The following RBM19 variants were observed in gnomAD, a reference collection of about 807,000 sequenced individuals.
RBM19 encodes the protein RNA binding motif protein 19.
In RBM19, 94 loss-of-function variants were observed where a neutral mutation model predicts 116.8. The ratio of observed to expected loss-of-function variants is 0.80; its 90% confidence interval spans 0.68 to 0.95. The LOEUF (loss-of-function observed/expected upper bound fraction) is 0.95. RBM19 is among the 40% of genes least tolerant of loss of function. RBM19 has a pLI of 0.00. For missense variants in RBM19, 1,161 were observed against 1,220.7 expected, an observed-to-expected ratio of 0.95 and a Z score of 0.73; for synonymous variants, 475 against 494.1, an observed-to-expected ratio of 0.96 and a Z score of 0.51.
rs374143921 is a variant in RBM19, at chr12:113,837,384, A to G, written c.2785+7284T>C. ...CCTGGCCTGACTGGAATGCAAAGAA[A>G]GTGGGAGTATTTTTGGCAACTCAGA... is the stretch of plus-strand genomic sequence containing the variant. On this transcript the variant is annotated intron_variant, in intron 23 of 23. Coordinates refer to ENST00000261741, the MANE Select transcript of RBM19 (RefSeq NM_016196.4). Among the ~76,000 whole-genome samples, 34 of 152,298 alleles carry G rather than the reference A, an allele frequency of 2.2e-4. 1 individual carries two copies. The East Asian group carries it at 4.4e-3, about 20-fold the overall frequency.
chr12:113,947,590 G>C, intron 10 of RBM19, 126 bp from the exon 11 acceptor site: 1 of 1,011,784 alleles, frequency 9.9e-7, no homozygotes, highest in Non-Finnish European at 1.4e-6. Flanking sequence ...TCCCCTACGT[G>C]TGTCTATCCT....
At chr12:113,912,939 A>ATTGTT (rs1882537163) in intron 21 of RBM19, among the ~76,000 whole-genome samples, 1 of 152,108 alleles carries the variant, frequency 6.6e-6, no homozygotes, top group Admixed American at 6.5e-5. Flanking sequence ...CGGAGTGAAC[A>ATTGTT]ACAATAGCAG....
intron 23 of RBM19, among the ~76,000 whole-genome samples, chr12:113,834,133 G>T (rs759477580): frequency 6.6e-6 from 1 of 152,164 alleles, no homozygotes; most frequent in East Asian, 1.9e-4. Flanking sequence ...GGGCAGGGGA[G>T]GGGGGCAATC....
intron 21 of RBM19, among the ~76,000 whole-genome samples, chr12:113,878,037 C>T (rs1436976812): frequency 1.3e-5 from 2 of 152,170 alleles, no homozygotes; most frequent in Non-Finnish European, 2.9e-5. Flanking sequence ...TCTTATGTCT[C>T]GTCTACGGCT....
chr12:113,961,388 C>T (rs922360670), intron 2 of RBM19, among the ~76,000 whole-genome samples: 2 of 152,056 alleles, frequency 1.3e-5, no homozygotes, highest in Non-Finnish European at 2.9e-5. Context: ...TAATGACATG[C>T]TCACGGTACA....
chr12:113,918,267 C>T, intron 20 of RBM19, 125 bp downstream of exon 20: 1 of 942,236 alleles, frequency 1.1e-6, no homozygotes, highest in Non-Finnish European at 1.7e-6. Flanking sequence ...TAGGAAGAGT[C>T]CTAAATGGTA....
intron 21 of RBM19, among the ~76,000 whole-genome samples, chr12:113,889,887 AG>A (rs1193557575): frequency 6.8e-6 from 1 of 147,990 alleles, no homozygotes; most frequent in Non-Finnish European, 1.5e-5. Flanking sequence ...AATCAAGCTG[AG>A]GGGGAAAAAA....
In RBM19 at chr12:113,903,499, G is replaced by C. The variant is rs1881843694; in HGVS notation, c.2558+11470C>G. On this transcript the variant is annotated intron_variant, in intron 21 of 23. Transcript: ENST00000261741. This position sits in a 1 kb window ranked among gnomAD's most constrained non-coding sequence, Gnocchi z 5.1. ...CCAAGAGTGCAATCACTGGGTCATA[G>C]AGAAAGTGCACGTTTTACTTTGTAA... Among the ~76,000 whole-genome samples the C allele has an allele frequency of 6.6e-6, 1 of 152,210 alleles. No homozygotes were observed. Among genetic ancestry groups the C allele is most frequent in the Non-Finnish European group, 1.5e-5 (1 of 68,034 alleles).
Position 113,942,355 on chromosome 12 carries a change from T to C in RBM19, c.1706A>G (p.Asp569Gly), listed in dbSNP as rs1870648155. The C allele has an allele frequency of 6.2e-7, 1 of 1,607,888 alleles. No homozygotes were observed. The change falls in exon 14 of 24, where the codon GAC (aspartate) becomes GGC (glycine). Residue 569 changes from aspartate to glycine, a missense_variant. Transcript: ENST00000261741. ...LVQEVRRFLIDNGVSLDSFSQ... is the reference protein window; with the variant it reads ...LVQEVRRFLIGNGVSLDSFSQ... Reference sequence around the variant, plus strand: ...GAAGGAATCCAGGCTGACCCCGTTGTCTATGAGAAAACGCCGCACTTCCTG... The same window carrying C: ...GAAGGAATCCAGGCTGACCCCGTTGCCTATGAGAAAACGCCGCACTTCCTG...
chr12:113,950,206 T>C, intron 8 of RBM19, 52 bp from the exon 9 acceptor site: 2 of 1,452,152 alleles, frequency 1.4e-6, no homozygotes, highest in Non-Finnish European at 1.9e-6. Flanking sequence ...CAGACACTTG[T>C]GGTGGTCCCC....
rs774577822 is a variant in RBM19 at position 113,942,330 on chromosome 12, G to GA, written c.1730dup (p.Ser578GlnfsTer115). 8 of 1,605,188 alleles carry GA rather than the reference G, an allele frequency of 5.0e-6. No individual in the cohort carries two copies. The highest frequency in any genetic ancestry group is 6.8e-6 in the Non-Finnish European group (8 of 1,179,692). ...CGCCACCGAGAACACCCACCTGGCT[G>GA]AAGGAATCCAGGCTGACCCCGTTGT... is the stretch of plus-strand genomic sequence containing the variant. On this transcript the variant is annotated frameshift_variant, in exon 14 of 24. Transcript: ENST00000261741. LOFTEE classifies it high-confidence loss of function.
intron 22 of RBM19, among the ~76,000 whole-genome samples, chr12:113,852,218 C>T (rs1877515025): frequency 6.6e-6 from 1 of 152,100 alleles, no homozygotes; most frequent in Admixed American, 6.5e-5. Flanking sequence ...GTGCAGTCCT[C>T]AGTCCGCACA....
chr12:113,870,558 AGGGCAGGTGATGAGAATAAGGG>A (rs1224547767), intron 21 of RBM19, among the ~76,000 whole-genome samples: 1 of 152,150 alleles, frequency 6.6e-6, no homozygotes, highest in Non-Finnish European at 1.5e-5. Flanking sequence ...GAGAACAAGG[AGGGCAGGTGATGAGAATAAGGG>A]GGCTATCAAT....
intron 21 of RBM19, among the ~76,000 whole-genome samples, chr12:113,913,301 A>C (rs866163416): frequency 2.0e-5 from 3 of 152,188 alleles, no homozygotes; most frequent in Non-Finnish European, 4.4e-5. Context: ...AAACAAGCAG[A>C]CATACCGAGA....
chr12:113,938,805 G>C (rs949361743), intron 15 of RBM19, among the ~76,000 whole-genome samples: 20 of 152,320 alleles, frequency 1.3e-4, no homozygotes, highest in Non-Finnish European at 2.9e-4. Context: ...ATGGGCCAGG[G>C]ATGCCTGGAG....
rs980081728 is a variant in RBM19 at position 113,947,403 on chromosome 12, T to C, written c.1338A>G (p.Ala446=). Reference sequence around the variant, plus strand: ...GCTCAGGGAACATGAAGGTGATGAATGCAAAACCCTTGGGTTTCTTGGTCA... The same window carrying C: ...GCTCAGGGAACATGAAGGTGATGAACGCAAAACCCTTGGGTTTCTTGGTCA... ...DSLTKKPKGF[A]FITFMFPEHA... The change falls in exon 11 of 24, where the codon GCA becomes GCG. Residue 446 remains alanine (A), a synonymous_variant. Coordinates refer to ENST00000261741, the MANE Select transcript of RBM19 (RefSeq NM_016196.4). The C allele has an allele frequency of 3.1e-6, 5 of 1,611,778 alleles. No individual in the cohort carries two copies. The Admixed American group carries it at 5.0e-5, about 16-fold the overall frequency.
rs7301682 is a variant in RBM19 at position 113,905,139 on chromosome 12, C to A, written c.2558+9830G>T. Among the ~76,000 whole-genome samples the A allele has an allele frequency of 6.2e-3, 939 of 152,306 alleles. 8 individuals carry two copies. Among genetic ancestry groups the A allele is most frequent in the African/African-American group, 0.022 (894 of 41,568 alleles). ...ATGTAAGTCAAGAAAGCCCAAAGAC[C>A]TGAAGTGCTAATGGCCAACCCCAGC... On this transcript the variant is annotated intron_variant, in intron 21 of 23. Coordinates refer to ENST00000261741, the MANE Select transcript of RBM19 (RefSeq NM_016196.4).
chr12:113,880,303 T>C (rs1880010667), intron 21 of RBM19, among the ~76,000 whole-genome samples: 1 of 152,162 alleles, frequency 6.6e-6, no homozygotes, highest in Non-Finnish European at 1.5e-5. Context: ...CAGATTCTGT[T>C]TGCTGTGGTT....
chr12:113,911,798 C>G (rs775579559), intron 21 of RBM19, among the ~76,000 whole-genome samples: 1 of 152,048 alleles, frequency 6.6e-6, no homozygotes, highest in Non-Finnish European at 1.5e-5. Flanking sequence ...CGCACGGGGC[C>G]GGGGACATGA....
Sources: allele counts gnomAD v4.1 joint callset (sites outside exome capture counted in the v4.1 genomes callset), GRCh38; gene constraint gnomAD v4.1.1; non-coding constraint Gnocchi (gnomAD v3.1); transcripts MANE v1.5; gene names NCBI Gene and HGNC (gene_info 2026-07-23, HGNC 2026-07-21).